The following STXBP5L variants were observed in gnomAD, a reference collection of about 807,000 sequenced individuals.
STXBP5L encodes the protein syntaxin-binding protein 5-like.
In STXBP5L, 65 loss-of-function variants were observed where a neutral mutation model predicts 144.5. That is an observed-to-expected ratio of 0.45 (90% CI 0.37 to 0.55). The LOEUF (loss-of-function observed/expected upper bound fraction) is 0.55. Among genes scored for constraint, STXBP5L ranks in the 20% least tolerant of loss-of-function variants. STXBP5L has a pLI of 0.00. For synonymous variants in STXBP5L, 505 were observed against 469.6 expected, an observed-to-expected ratio of 1.08 and a Z score of -0.97; for missense variants, 1,298 against 1,405.5, an observed-to-expected ratio of 0.92 and a Z score of 1.22.
chr3:121,111,693 C>T (rs2043994585), intron 5 of STXBP5L, among the ~76,000 whole-genome samples: 1 of 152,192 alleles, frequency 6.6e-6, no homozygotes, highest in Non-Finnish European at 1.5e-5. Flanking sequence ...GGGTTTCACC[C>T]AGTCAAGAGG....
intron 9 of STXBP5L, among the ~76,000 whole-genome samples, chr3:121,173,479 A>G (rs1332686830): frequency 2.8e-4 from 43 of 151,974 alleles, no homozygotes; most frequent in Admixed American, 2.8e-3. Flanking sequence ...TTACTTTCGA[A>G]CAACATGAGT....
At chr3:121,114,609 A>G (rs1315670946) in intron 5 of STXBP5L, among the ~76,000 whole-genome samples, 1 of 152,166 alleles carries the variant, frequency 6.6e-6, no homozygotes, top group East Asian at 1.9e-4. Flanking sequence ...GGTCTTAGGC[A>G]AGTAAACAAA....
intron 5 of STXBP5L, among the ~76,000 whole-genome samples, chr3:121,055,784 T>C (rs1948416184): frequency 6.6e-6 from 1 of 151,988 alleles, no homozygotes; most frequent in South Asian, 2.1e-4. Context: ...CACACAACCT[T>C]GAATTCCTGG....
At chr3:121,266,536 G>A (rs1014361266) in intron 18 of STXBP5L, among the ~76,000 whole-genome samples, 34 of 152,126 alleles carry the variant, frequency 2.2e-4, no homozygotes, top group African/African-American at 7.7e-4. Flanking sequence ...ATAGGCACAA[G>A]CTGGGAGCAT....
chr3:121,009,430 G>A (rs1262685275), intron 3 of STXBP5L, among the ~76,000 whole-genome samples: 1 of 151,928 alleles, frequency 6.6e-6, no homozygotes, highest in African/African-American at 2.4e-5. Context: ...TCCATACCAA[G>A]TTTATGACTA....
chr3:121,120,101 G>A (rs1009690000), intron 6 of STXBP5L, among the ~76,000 whole-genome samples: 2 of 151,260 alleles, frequency 1.3e-5, no homozygotes, highest in Admixed American at 6.6e-5. Flanking sequence ...AAATTCTGTA[G>A]GGGAAATAAT....
intron 22 of STXBP5L, among the ~76,000 whole-genome samples, chr3:121,399,008 G>T (rs1008150935): frequency 6.6e-6 from 1 of 152,064 alleles, no homozygotes; most frequent in African/African-American, 2.4e-5. Flanking sequence ...GAAAGATCTG[G>T]AGGGTCAGGC....
At chr3:121,293,867 GTAAA>G (rs1261183169) in intron 19 of STXBP5L, among the ~76,000 whole-genome samples, 2 of 152,192 alleles carry the variant, frequency 1.3e-5, no homozygotes, top group East Asian at 1.9e-4. Flanking sequence ...GCCTCAATAA[GTAAA>G]TAAATAAATA....
At chr3:121,403,889 C>T (rs2046939372) in intron 22 of STXBP5L, among the ~76,000 whole-genome samples, 1 of 152,170 alleles carries the variant, frequency 6.6e-6, no homozygotes, top group African/African-American at 2.4e-5. Flanking sequence ...ATCTCTTTAG[C>T]TTGTTCCTCC....
chr3:121,284,700 G>A (rs2108449301), intron 19 of STXBP5L, among the ~76,000 whole-genome samples: 1 of 152,176 alleles, frequency 6.6e-6, no homozygotes, highest in Middle Eastern at 3.4e-3. Context: ...AATGAGAGAA[G>A]AACTAGGTAA....
intron 20 of STXBP5L, among the ~76,000 whole-genome samples, chr3:121,376,451 G>A (rs369610295): frequency 4.6e-5 from 7 of 152,096 alleles, no homozygotes; most frequent in Non-Finnish European, 7.4e-5. Context: ...TTCTGTATAC[G>A]GCTAGCCGGT....
Position 121,106,735 on chromosome 3 carries a change from T to A in STXBP5L, c.471-8190T>A, listed in dbSNP as rs541076448. ...GTATATATCTTCATGATAGAATGAT[T>A]TATATTCCTCTGGGTATATACCCAG... On this transcript the variant is annotated intron_variant, in intron 5 of 26. Coordinates refer to ENST00000471454, the MANE Select transcript of STXBP5L (RefSeq NM_001308330.2). Among the ~76,000 whole-genome samples the A allele has an allele frequency of 3.9e-5, 6 of 152,320 alleles. No individual in the cohort carries two copies. The South Asian group carries it at 1.2e-3, about 32-fold the overall frequency.
At chr3:121,092,654 G>A (rs1198102201) in intron 5 of STXBP5L, among the ~76,000 whole-genome samples, 1 of 152,200 alleles carries the variant, frequency 6.6e-6, no homozygotes, top group Non-Finnish European at 1.5e-5. Flanking sequence ...TTGCTTATCA[G>A]CTTAAGGAGA....
chr3:120,997,401 G>A (rs1280019340), intron 3 of STXBP5L, among the ~76,000 whole-genome samples: 1 of 152,116 alleles, frequency 6.6e-6, no homozygotes, highest in Non-Finnish European at 1.5e-5. Flanking sequence ...AATTTACATT[G>A]CCATCAGCAG....
rs1383634006 is a variant in STXBP5L at position 121,118,260 on chromosome 3, T to TTATA, written c.605+3202_605+3205dup. Among the ~76,000 whole-genome samples the TTATA allele has an allele frequency of 1.2e-4, 18 of 151,862 alleles. No individual in the cohort carries two copies. The East Asian group carries it at 3.3e-3, about 28-fold the overall frequency. On this transcript the variant is annotated intron_variant, in intron 6 of 26. Coordinates refer to ENST00000471454, the MANE Select transcript of STXBP5L (RefSeq NM_001308330.2). ...GGCAATTCCATAAGAAGGACATCTA[T>TTATA]TATAATATAGACATGGGATCTCAAA...
chr3:121,135,019 C>G (rs898386378), intron 7 of STXBP5L, among the ~76,000 whole-genome samples: 4 of 152,188 alleles, frequency 2.6e-5, no homozygotes, highest in Admixed American at 1.3e-4. Context: ...AACAGTCCCA[C>G]CAACAGTGTA....
At chr3:120,979,157 C>G (rs182936474) in intron 3 of STXBP5L, among the ~76,000 whole-genome samples, 152 of 152,330 alleles carry the variant, frequency 1.0e-3, no homozygotes, top group Non-Finnish European at 1.3e-3. Flanking sequence ...GAGGTGGAGC[C>G]TACAGAGGCA....
intron 3 of STXBP5L, among the ~76,000 whole-genome samples, chr3:120,991,444 C>G (rs1408018785): frequency 6.6e-6 from 1 of 151,896 alleles, no homozygotes; most frequent in Non-Finnish European, 1.5e-5. Flanking sequence ...GGATCTAGAA[C>G]TAGAAATACC....
chr3:121,389,678 C>T (rs1030212673), intron 22 of STXBP5L, among the ~76,000 whole-genome samples: 1 of 152,130 alleles, frequency 6.6e-6, no homozygotes, highest in Non-Finnish European at 1.5e-5. Context: ...GTTCAGTTTC[C>T]ATGTAGTTGT....
Sources: gnomAD v4.1 joint callset for allele counts (sites outside exome capture counted in the v4.1 genomes callset) on GRCh38, gnomAD v4.1.1 for gene constraint, MANE v1.5 for transcripts, NCBI Gene and HGNC (gene_info 2026-07-23, HGNC 2026-07-21) for gene names.